The following DOCK8 variants were observed in gnomAD, a reference collection of about 807,000 sequenced individuals.
The protein encoded by DOCK8 is dedicator of cytokinesis 8.
In DOCK8, 141 loss-of-function variants were observed where a neutral mutation model predicts 245.6. The observed-to-expected ratio is 0.57, with a 90% confidence interval of 0.50 to 0.66. DOCK8 has a LOEUF of 0.66. DOCK8 is among the 30% of genes least tolerant of loss of function. The pLI is 0.00. For synonymous variants in DOCK8, 1,168 were observed against 970.2 expected (o/e 1.20, Z -3.79); for missense variants, 2,965 against 2,603.4 (o/e 1.14, Z -3.02).
At chr9:288,143 A>G (rs1206195667) in intron 3 of DOCK8, among the ~76,000 whole-genome samples, 1 of 152,150 alleles carries the variant, frequency 6.6e-6, no homozygotes, top group African/African-American at 2.4e-5. Flanking sequence ...TGTCAAAAGA[A>G]TTTATAGGTA....
At chr9:338,262 G>A (rs1042773953) in intron 12 of DOCK8, among the ~76,000 whole-genome samples, 1 of 152,134 alleles carries the variant, frequency 6.6e-6, no homozygotes, top group African/African-American at 2.4e-5. Context: ...GTTTTCCATA[G>A]CTACGCAGTC....
At chr9:301,920 C>A (rs1298361653) in intron 4 of DOCK8, among the ~76,000 whole-genome samples, 2 of 151,922 alleles carry the variant, frequency 1.3e-5, no homozygotes, top group African/African-American at 4.8e-5. Context: ...GCCATAGTGC[C>A]CAAAGAGATT....
chr9:392,721 G>A (rs1252363559), intron 24 of DOCK8, among the ~76,000 whole-genome samples: 1 of 152,042 alleles, frequency 6.6e-6, no homozygotes, highest in Non-Finnish European at 1.5e-5. Flanking sequence ...ACAAGTCTTG[G>A]GGCAAGAGCA....
At chr9:386,910 G>A (rs527740788) in intron 23 of DOCK8, among the ~76,000 whole-genome samples, 1 of 152,180 alleles carries the variant, frequency 6.6e-6, no homozygotes, top group Non-Finnish European at 1.5e-5. Context: ...AATATGAAAT[G>A]CTTCCTCATA....
At position 289,500 on chromosome 9, in the gene DOCK8, AC is replaced by A. The variant is rs766586083; in HGVS notation, c.333-8del. 2.1e-4 allele frequency: 343 copies of A among 1,611,740 alleles called. No homozygotes were observed. The highest frequency in any genetic ancestry group is 2.7e-4 in the Non-Finnish European group (317 of 1,178,284). On this transcript the variant is annotated splice_polypyrimidine_tract_variant and intron_variant, in intron 3 of 47. Coordinates refer to ENST00000432829, the MANE Select transcript of DOCK8 (RefSeq NM_203447.4). ...TAATAACGTGTTTATTTCATTTTCT[AC>A]CTCATTAGGGTTGAACTGGACCCTC...
chr9:334,628 ATGACACTTTAAAAAGCTGAT>A (rs1180496119), intron 11 of DOCK8, among the ~76,000 whole-genome samples: 1 of 152,200 alleles, frequency 6.6e-6, no homozygotes, highest in African/African-American at 2.4e-5. Context: ...TCTAGATGGT[ATGACACTTTAAAAAGCTGAT>A]TTTTGCTAGC....
At chr9:415,694 A>ACACACT (rs749526898) in intron 29 of DOCK8, among the ~76,000 whole-genome samples, 1 of 147,458 alleles carries the variant, frequency 6.8e-6, no homozygotes, top group Admixed American at 6.7e-5. Flanking sequence ...GCGCGCGTGC[A>ACACACT]CACACACACA....
At chr9:429,576 T>C in intron 35 of DOCK8, 126 bp from the exon 36 acceptor site, 1 of 1,108,380 alleles carries the variant, frequency 9.0e-7, no homozygotes, top group East Asian at 2.4e-5. Context: ...TCATTATCTT[T>C]ATGGAATAAT....
chr9:420,336 G>C (rs2056222519), intron 30 of DOCK8, 65 bp from the exon 31 acceptor site: 1 of 1,574,566 alleles, frequency 6.4e-7, no homozygotes, highest in African/African-American at 1.3e-5. Flanking sequence ...TGACTGTTAA[G>C]CCTCAAATTT....
intron 1 of DOCK8, among the ~76,000 whole-genome samples, chr9:222,553 T>A (rs764469204): frequency 6.6e-6 from 1 of 152,216 alleles, no homozygotes; most frequent in Non-Finnish European, 1.5e-5. Flanking sequence ...TAAATCTTTA[T>A]TTGCCAGTGT....
chr9:214,791 G>A (rs774990688), upstream of DOCK8: 1 of 1,572,672 alleles, frequency 6.4e-7, no homozygotes, highest in Admixed American at 1.8e-5. Context: ...GGCCGTCGCT[G>A]CTCCGAGCTC....
At chr9:318,788 G>A (rs1290761657) in intron 7 of DOCK8, among the ~76,000 whole-genome samples, 11 of 152,194 alleles carry the variant, frequency 7.2e-5, no homozygotes, top group South Asian at 4.1e-4. Context: ...CATTGTTTAG[G>A]AAGCCTTCGC....
chr9:344,435 C>T (rs1002008610), intron 14 of DOCK8, among the ~76,000 whole-genome samples: 1 of 152,122 alleles, frequency 6.6e-6, no homozygotes, highest in Non-Finnish European at 1.5e-5. Context: ...TTGACAGTTA[C>T]CCAGTCCCAG....
At chr9:430,545 T>A (rs1347835450) in intron 36 of DOCK8, among the ~76,000 whole-genome samples, 1 of 151,460 alleles carries the variant, frequency 6.6e-6, no homozygotes, top group Non-Finnish European at 1.5e-5. Context: ...CCGGGTGTGG[T>A]GGCACACACG....
chr9:305,759 T>G (rs2049798529), intron 5 of DOCK8, among the ~76,000 whole-genome samples: 1 of 152,202 alleles, frequency 6.6e-6, no homozygotes, highest in African/African-American at 2.4e-5. Flanking sequence ...CAAGCCTTCA[T>G]TTGCATAAAA....
intron 39 of DOCK8, among the ~76,000 whole-genome samples, chr9:437,154 A>AG (rs2056932578): frequency 6.6e-6 from 1 of 152,248 alleles, no homozygotes; most frequent in Non-Finnish European, 1.5e-5. Context: ...GACTGACAGA[A>AG]GGTAAAAATG....
intron 14 of DOCK8, among the ~76,000 whole-genome samples, chr9:351,383 A>G (rs1586770507): frequency 6.6e-6 from 1 of 152,340 alleles, no homozygotes; most frequent in South Asian, 2.1e-4. Flanking sequence ...CATGGCTGGA[A>G]AAGGGCCCCA....
At chr9:430,439 C>T (rs1034291589) in intron 36 of DOCK8, among the ~76,000 whole-genome samples, 4 of 151,068 alleles carry the variant, frequency 2.6e-5, no homozygotes, top group Admixed American at 6.6e-5. Flanking sequence ...CCTAGCACTT[C>T]GGGAGGCCAA....
intron 1 of DOCK8, among the ~76,000 whole-genome samples, chr9:263,146 G>A (rs893862457): frequency 6.6e-6 from 1 of 152,008 alleles, no homozygotes; most frequent in Non-Finnish European, 1.5e-5. Flanking sequence ...GGCAGAGGTT[G>A]CAGTGAGCTG....
Sources: allele counts gnomAD v4.1 joint callset (sites outside exome capture counted in the v4.1 genomes callset), GRCh38; gene constraint gnomAD v4.1.1; transcripts MANE v1.5; gene names NCBI Gene and HGNC (gene_info 2026-07-23, HGNC 2026-07-21).